TRHDE: variants seen among roughly 807,000 people sequenced by gnomAD.
TRHDE encodes the protein thyrotropin-releasing hormone-degrading ectoenzyme.
A neutral mutation model predicts 125.7 loss-of-function variants in TRHDE; 72 were observed. That is an observed-to-expected ratio of 0.57 (90% CI 0.47 to 0.70). TRHDE has a LOEUF of 0.70. Among genes scored for constraint, TRHDE ranks in the 30% least tolerant of loss-of-function variants. The probability of loss-of-function intolerance (pLI) is 0.00; values close to 1 mark genes in which losing one functional copy is unlikely to be tolerated. For missense variants in TRHDE, 1,110 were observed against 1,327.1 expected, an observed-to-expected ratio of 0.84 and a Z score of 2.54; for synonymous variants, 509 against 509.1, an observed-to-expected ratio of 1.00 and a Z score of 0.00.
At chr12:72,123,893 A>G (rs925067710) in intron 2 of TRHDE, among the ~76,000 whole-genome samples, 2 of 152,124 alleles carry the variant, frequency 1.3e-5, no homozygotes, top group African/African-American at 4.8e-5. Context: ...CTGGTATTTT[A>G]TATAAAAGGA....
intron 12 of TRHDE, among the ~76,000 whole-genome samples, chr12:72,576,515 G>A (rs1434507278): frequency 2.6e-5 from 4 of 151,990 alleles, no homozygotes; most frequent in Admixed American, 2.6e-4. Context: ...CTTACACATA[G>A]AAGACTTGAT....
At chr12:72,523,434 C>T (rs1868282240) in intron 6 of TRHDE, among the ~76,000 whole-genome samples, 1 of 151,968 alleles carries the variant, frequency 6.6e-6, no homozygotes, top group Non-Finnish European at 1.5e-5. Context: ...CATAACTGGA[C>T]CTGTGATGTG....
Position 72,154,778 on chromosome 12 carries a change from G to C in TRHDE, n.279+49026G>C, listed in dbSNP as rs10879369. Among the ~76,000 whole-genome samples the C allele has an allele frequency of 5.0e-3, 760 of 152,218 alleles. 8 individuals carry two copies. The highest frequency in any genetic ancestry group is 0.017 in the African/African-American group (723 of 41,538). ...TGAGAGATCAGCTGTTAGTCTGATG[G>C]GCTTCCCCTTGTGGGTAACCCAGCC... On this transcript the variant is annotated intron_variant and non_coding_transcript_variant, in intron 2 of 4. Transcript: ENST00000548156.
At chr12:72,481,057 T>C (rs1877145294) in intron 5 of TRHDE, among the ~76,000 whole-genome samples, 1 of 151,998 alleles carries the variant, frequency 6.6e-6, no homozygotes, top group Non-Finnish European at 1.5e-5. Flanking sequence ...AGCATGAACA[T>C]AGCCAAAACT....
chr12:72,511,928 T>C (rs1878597442), intron 6 of TRHDE, among the ~76,000 whole-genome samples: 1 of 152,174 alleles, frequency 6.6e-6, no homozygotes, highest in Non-Finnish European at 1.5e-5. Context: ...ATTAATCCTA[T>C]TCAAAGGATT....
At chr12:72,440,607 T>G (rs962688761) in intron 3 of TRHDE, among the ~76,000 whole-genome samples, 4 of 151,990 alleles carry the variant, frequency 2.6e-5, no homozygotes, top group African/African-American at 9.7e-5. Flanking sequence ...AGTCCTATGA[T>G]ATATATCCAT....
Position 72,272,616 on chromosome 12 carries a change from G to C in TRHDE, c.-28G>C. The C allele has an allele frequency of 1.1e-6, 1 of 885,708 alleles. No individual in the cohort carries two copies. The highest frequency in any genetic ancestry group is 1.9e-5 in the South Asian group (1 of 51,628). The allele number at this position is 885,708 out of a possible 1,614,324, so 54.9% of individuals were successfully genotyped here. A position where few individuals can be genotyped will look rare whatever the true frequency, so the allele number is the denominator to read the frequency against. On this transcript the variant is annotated 5_prime_UTR_variant, in exon 1 of 19. Coordinates refer to ENST00000261180, the MANE Select transcript of TRHDE (RefSeq NM_013381.3). The surrounding 1 kb of genome is among the most constrained non-coding windows in gnomAD (Gnocchi z 6.7). ...GCCCGCCCGCGGGGGGTGCCAGAGG[G>C]GGCGGGGGAGGAGGAGGAGGCGGTG...
intron 7 of TRHDE, among the ~76,000 whole-genome samples, chr12:72,545,055 A>G (rs1362473121): frequency 2.0e-5 from 3 of 151,474 alleles, no homozygotes; most frequent in African/African-American, 7.3e-5. Context: ...CTGAACAATC[A>G]CAGCTTTTGT....
intron 3 of TRHDE, among the ~76,000 whole-genome samples, chr12:72,451,246 T>G (rs916080766): frequency 1.3e-5 from 2 of 152,210 alleles, no homozygotes; most frequent in Non-Finnish European, 2.9e-5. Context: ...TCTAGTGGTT[T>G]TATAGTTTCA....
chr12:72,334,676 C>G (rs889365146), intron 2 of TRHDE, among the ~76,000 whole-genome samples: 2 of 152,218 alleles, frequency 1.3e-5, no homozygotes, highest in Non-Finnish European at 2.9e-5. Flanking sequence ...AGCTCTAGAA[C>G]TGGGAGCCTG....
At chr12:72,230,239 TA>T (rs1387034903) in intron 2 of TRHDE, among the ~76,000 whole-genome samples, 1 of 152,200 alleles carries the variant, frequency 6.6e-6, no homozygotes, top group Non-Finnish European at 1.5e-5. Context: ...GGGTCATTAA[TA>T]ATGCTCTTTG....
intron 2 of TRHDE, among the ~76,000 whole-genome samples, chr12:72,111,981 A>T (rs1464812900): frequency 1.3e-5 from 2 of 152,128 alleles, no homozygotes; most frequent in African/African-American, 4.8e-5. Context: ...GGTTGGGGGA[A>T]AGGAGGTATA....
At chr12:72,451,007 A>G (rs1436732138) in intron 3 of TRHDE, among the ~76,000 whole-genome samples, 1 of 152,040 alleles carries the variant, frequency 6.6e-6, no homozygotes, top group Non-Finnish European at 1.5e-5. Flanking sequence ...TGTTTTCACT[A>G]TTGAGTTGTT....
intron 6 of TRHDE, among the ~76,000 whole-genome samples, chr12:72,503,466 A>T (rs1379656109): frequency 6.6e-6 from 1 of 152,218 alleles, no homozygotes; most frequent in Non-Finnish European, 1.5e-5. Flanking sequence ...TCAATAATAC[A>T]CAAAGGAGAG....
At chr12:72,386,950 G>A (rs1872445377) in intron 3 of TRHDE, among the ~76,000 whole-genome samples, 1 of 152,056 alleles carries the variant, frequency 6.6e-6, no homozygotes, top group Admixed American at 6.6e-5. Context: ...CTTTCTAGCT[G>A]CTTAAACCAT....
At chr12:72,254,312 T>A (rs1308324175) in intron 2 of TRHDE, 1 of 152,138 alleles carries the variant, frequency 6.6e-6, no homozygotes, top group Non-Finnish European at 1.5e-5. Flanking sequence ...CCCCTGCCAA[T>A]ATCCTTTATC....
intron 15 of TRHDE, among the ~76,000 whole-genome samples, chr12:72,622,365 C>T (rs766987866): frequency 6.6e-6 from 1 of 151,964 alleles, no homozygotes; most frequent in Non-Finnish European, 1.5e-5. Context: ...GAATACTAAA[C>T]ATAAAAATAA....
intron 2 of TRHDE, among the ~76,000 whole-genome samples, chr12:72,252,636 C>T (rs1180503803): frequency 6.6e-6 from 1 of 152,022 alleles, no homozygotes; most frequent in Non-Finnish European, 1.5e-5. Context: ...TTGTGCTTTT[C>T]ATATAAATTT....
intron 2 of TRHDE, among the ~76,000 whole-genome samples, chr12:72,334,210 C>T (rs1869730583): frequency 6.6e-6 from 1 of 152,176 alleles, no homozygotes; most frequent in African/African-American, 2.4e-5. Context: ...TCATAATTGC[C>T]ATAGTCGACA....
Sources: gnomAD v4.1 joint callset for allele counts (sites outside exome capture counted in the v4.1 genomes callset) on GRCh38, gnomAD v4.1.1 for gene constraint, Gnocchi (gnomAD v3.1) non-coding constraint, MANE v1.5 for transcripts, NCBI Gene and HGNC (gene_info 2026-07-23, HGNC 2026-07-21) for gene names.